DDX24: variants seen among roughly 807,000 people sequenced by gnomAD.
DDX24 encodes the protein DEAD-box helicase 24, also known as ATP-dependent RNA helicase DDX24.
In DDX24, 24 loss-of-function variants were observed where a neutral mutation model predicts 68.9. That is an observed-to-expected ratio of 0.35 (90% CI 0.25 to 0.49). The LOEUF is 0.49. DDX24 is among the 20% of genes least tolerant of loss of function. The probability of loss-of-function intolerance (pLI) is 0.99; values close to 1 mark genes in which losing one functional copy is unlikely to be tolerated. For synonymous variants in DDX24, 395 were observed against 385.2 expected, an observed-to-expected ratio of 1.03 and a Z score of -0.30; for missense variants, 989 against 1,039.0, an observed-to-expected ratio of 0.95 and a Z score of 0.66.
chr14:94,062,416 T>A lies in DDX24; in HGVS notation c.924A>T (p.Ala308=), dbSNP rs1186186289. 1 of 1,614,202 alleles carries A rather than the reference T, an allele frequency of 6.2e-7. No homozygotes were observed. The highest frequency in any genetic ancestry group is 1.7e-5 in the Admixed American group (1 of 60,024). ...LPDDTVIESE[A]LPSDIAAEAR... ...CCTCGGCTGCAATATCACTGGGCAG[T>A]GCTTCACTCTCAATTACAGTATCGT... Residue 308 remains alanine, a synonymous_variant, in exon 3 of 9, where the codon GCA becomes GCT. Coordinates refer to ENST00000621632, the MANE Select transcript of DDX24 (RefSeq NM_020414.4).
At position 94,051,031 on chromosome 14, in the gene DDX24, T is replaced by C; in HGVS notation, c.*160A>G. ...GCATTGAATTCTTACTCCAAAACAA[T>C]GCAAATCTGCATGAGGTCTCTCCCG... On this transcript the variant is annotated 3_prime_UTR_variant, in exon 9 of 9. Coordinates refer to ENST00000621632, the MANE Select transcript of DDX24 (RefSeq NM_020414.4). 2 of 762,450 alleles carry C rather than the reference T, an allele frequency of 2.6e-6. No individual in the cohort carries two copies. The highest frequency in any genetic ancestry group is 3.9e-6 in the Non-Finnish European group (2 of 512,512). The allele number at this position is 762,450 out of a possible 1,614,324, so 47.2% of individuals were successfully genotyped here. A position where few individuals can be genotyped will look rare whatever the true frequency, so the allele number is the denominator to read the frequency against.
chr14:94,068,163 A>G (rs563618153), intron 2 of DDX24, among the ~76,000 whole-genome samples: 147 of 152,338 alleles, frequency 9.6e-4, no homozygotes, highest in Middle Eastern at 3.4e-3. Flanking sequence ...AAAGGGGTGG[A>G]AAAAGGCATT....
intron 2 of DDX24, among the ~76,000 whole-genome samples, chr14:94,076,863 T>TG (rs1885951553): frequency 1.3e-5 from 2 of 151,980 alleles, no homozygotes; most frequent in Non-Finnish European, 2.9e-5. Flanking sequence ...AATTTGAAGG[T>TG]AGGGGTCCAC....
At chr14:94,057,998 T>C in intron 5 of DDX24, 101 bp from the exon 6 acceptor site, 2 of 1,089,764 alleles carry the variant, frequency 1.8e-6, no homozygotes, top group Admixed American at 2.3e-5. Context: ...TCCTTACCAA[T>C]ACTCTGTAAG....
intron 3 of DDX24, among the ~76,000 whole-genome samples, chr14:94,061,315 A>G (rs1221426693): frequency 1.3e-5 from 2 of 151,996 alleles, no homozygotes; most frequent in Admixed American, 1.3e-4. Context: ...AACCACACCA[A>G]AGGGGCTGAA....
chr14:94,052,418 C>T (rs1479144284), intron 8 of DDX24, among the ~76,000 whole-genome samples: 5 of 152,078 alleles, frequency 3.3e-5, no homozygotes, highest in Non-Finnish European at 5.9e-5. Context: ...AAGAGTACTT[C>T]CTGCTGTGTT....
At chr14:94,069,993 G>A (rs1259275129) in intron 2 of DDX24, among the ~76,000 whole-genome samples, 2 of 152,068 alleles carry the variant, frequency 1.3e-5, no homozygotes, top group Non-Finnish European at 2.9e-5. Flanking sequence ...CTTCAACATC[G>A]TCCTGGAAGT....
chr14:94,067,686 T>A (rs953536315), intron 2 of DDX24, among the ~76,000 whole-genome samples: 1 of 152,130 alleles, frequency 6.6e-6, no homozygotes, highest in Non-Finnish European at 1.5e-5. Context: ...ATCTTCAACC[T>A]CCTCAAACAA....
chr14:94,053,650 A>C (rs573946237), intron 7 of DDX24, among the ~76,000 whole-genome samples: 1 of 152,048 alleles, frequency 6.6e-6, no homozygotes, highest in African/African-American at 2.4e-5. Context: ...CCCCGTCTCT[A>C]CTAAAAATAC....
At position 94,070,659 on chromosome 14, in the gene DDX24, G is replaced by A. The variant is rs750204618; in HGVS notation, c.719-8038C>T. The stretch of plus-strand genomic sequence containing the variant: ...ACAGAGTGATACTGGTATAAAAATC[G>A]GCACAAAGACCAATGGAACAGAATA... On this transcript the variant is annotated intron_variant, in intron 2 of 8. Coordinates refer to ENST00000621632, the MANE Select transcript of DDX24 (RefSeq NM_020414.4). Among the ~76,000 whole-genome samples, 10 of 152,072 alleles carry A rather than the reference G, an allele frequency of 6.6e-5. No homozygotes were observed. The East Asian group carries it at 1.2e-3, about 18-fold the overall frequency.
rs796092324 is a variant in DDX24, at chr14:94,049,149, C to T, written c.*2042G>A. 5.9e-5 allele frequency: 9 copies of T among 152,378 alleles called. 1 individual carries two copies. The highest frequency in any genetic ancestry group is 2.2e-4 in the African/African-American group (9 of 41,576). The allele number at this position is 152,378 out of a possible 1,614,324, so 9.4% of individuals were successfully genotyped here. The stretch of plus-strand genomic sequence containing the variant: ...GCTCCTGCCTTTTAAAGCCTGTCTA[C>T]GTATTAGCTCCTCCACCAAGGAAAA... On this transcript the variant is annotated 3_prime_UTR_variant, in exon 9 of 9. Coordinates refer to ENST00000621632, the MANE Select transcript of DDX24 (RefSeq NM_020414.4).
At chr14:94,077,156 G>A (rs948185155) in intron 2 of DDX24, among the ~76,000 whole-genome samples, 18 of 152,276 alleles carry the variant, frequency 1.2e-4, no homozygotes, top group African/African-American at 4.3e-4. Flanking sequence ...GGCTATTAGC[G>A]TTTAAGTTTG....
At position 94,079,166 on chromosome 14, in the gene DDX24, C is replaced by A. The variant is rs546857248; in HGVS notation, c.577G>T (p.Ala193Ser). 1.9e-6 allele frequency: 3 copies of A among 1,614,248 alleles called. No homozygotes were observed. Among genetic ancestry groups the A allele is most frequent in the Middle Eastern group, 1.6e-4 (1 of 6,062 alleles). The change falls in exon 2 of 9, where the codon GCT becomes TCT. Residue 193 changes from alanine (A) to serine (S), a missense_variant. By Grantham distance (99) the Ala-to-Ser change is moderately conservative. Around this residue, in one of 3 missense-constraint regions of DDX24, gnomAD observed 295 missense variants for 263.0 expected, o/e 1.12. Transcript: ENST00000621632. ...EVHDQKADVS[A>S]WKDLFVPRPV... ...CTGGGAACAAACAGGTCCTTCCAAG[C>A]TGACACATCTGCTTTCTGATCATGA...
intron 2 of DDX24, among the ~76,000 whole-genome samples, chr14:94,077,695 C>T (rs549984295): frequency 9.5e-4 from 145 of 152,284 alleles, no homozygotes; most frequent in African/African-American, 3.3e-3. Context: ...TCTCCATTCC[C>T]CTTTCCTGTA....
chr14:94,054,186 T>C (rs1282206130), intron 7 of DDX24, among the ~76,000 whole-genome samples: 1 of 152,222 alleles, frequency 6.6e-6, no homozygotes, highest in Non-Finnish European at 1.5e-5. Context: ...TCTTGTGATG[T>C]GGGGAAAGAA....
At position 94,062,254 on chromosome 14, in the gene DDX24, A is replaced by G. The variant is rs774809537; in HGVS notation, c.1086T>C (p.Asp362=). The G allele has an allele frequency of 4.3e-6, 7 of 1,614,140 alleles. No homozygotes were observed. The highest frequency in any genetic ancestry group is 5.9e-6 in the Non-Finnish European group (7 of 1,180,018). ...GTTTTAGATTTCCAGTCTGCTCTTT[A>G]TCAAGATTTTCCTCCTCATTCTCAT... ...KQNENEEENL[D]KEQTGNLKQE... The change falls in exon 3 of 9, where the codon GAT becomes GAC. Residue 362 remains aspartate, a synonymous_variant. Coordinates refer to ENST00000621632, the MANE Select transcript of DDX24 (RefSeq NM_020414.4).
intron 7 of DDX24, among the ~76,000 whole-genome samples, chr14:94,054,712 G>C (rs767356062): frequency 6.6e-6 from 1 of 152,228 alleles, no homozygotes; most frequent in Non-Finnish European, 1.5e-5. Flanking sequence ...AGGATATCCA[G>C]ACAGCCATGA....
chr14:94,059,709 T>C (rs1885555900), intron 5 of DDX24, among the ~76,000 whole-genome samples: 1 of 152,158 alleles, frequency 6.6e-6, no homozygotes, highest in African/African-American at 2.4e-5. Flanking sequence ...GAACTAGGAT[T>C]TGATTTCAGG....
Position 94,079,424 on chromosome 14 carries a change from C to T in DDX24, c.319G>A (p.Val107Ile), listed in dbSNP as rs758485103. ...KKIKLKKSKN[V>I]ATEGTSTQKE... ...TGGGTACTGGTTCCTTCAGTTGCTA[C>T]ATTTTTACTTTTCTTCAACTTGATC... is the stretch of plus-strand genomic sequence containing the variant. Residue 107 changes from valine (V) to isoleucine (I), a missense_variant, in exon 2 of 9, where the codon GTA becomes ATA. Physicochemically the swap from Val to Ile is conservative, Grantham distance 29 (BLOSUM62 3). Transcript: ENST00000621632. 8 of 1,613,922 alleles carry T rather than the reference C, an allele frequency of 5.0e-6. No individual in the cohort carries two copies. In the African/African-American group the frequency reaches 5.3e-5, roughly 11 times the overall value.
Sources: gnomAD v4.1 joint callset for allele counts (sites outside exome capture counted in the v4.1 genomes callset) on GRCh38, gnomAD v4.1.1 for gene constraint, gnomAD v4.1.1 regional missense constraint, MANE v1.5 for transcripts, NCBI Gene and HGNC (gene_info 2026-07-23, HGNC 2026-07-21) for gene names.